The following RASGRF2 variants were observed in gnomAD, a reference collection of about 807,000 sequenced individuals.
RASGRF2 encodes the protein Ras protein specific guanine nucleotide releasing factor 2, also known as ras-specific guanine nucleotide-releasing factor 2.
In RASGRF2, 76 loss-of-function variants were observed where a neutral mutation model predicts 151.0. The ratio of observed to expected loss-of-function variants is 0.50; its 90% confidence interval spans 0.42 to 0.61. RASGRF2 has a LOEUF of 0.61. RASGRF2 is among the 20% of genes least tolerant of loss of function. The pLI is 0.00. For missense variants in RASGRF2, 1,148 were observed against 1,564.6 expected (o/e 0.73, Z 4.49); for synonymous variants, 504 against 566.5 (o/e 0.89, Z 1.57).
chr5:80,986,222 C>A (rs1748468516), intron 1 of RASGRF2, among the ~76,000 whole-genome samples: 1 of 152,138 alleles, frequency 6.6e-6, no homozygotes, highest in Admixed American at 6.5e-5. Flanking sequence ...ATGTCACTGG[C>A]AATATGCACA....
intron 7 of RASGRF2, among the ~76,000 whole-genome samples, chr5:81,083,269 C>CT (rs199506836): frequency 0.26 from 37,492 of 142,700 alleles, 5,204 homozygotes; most frequent in Admixed American, 0.33. Context: ...AGGGTTCTCA[C>CT]TTTTTTTTTT....
At chr5:81,094,263 C>T in intron 10 of RASGRF2, 33 bp from the exon 11 acceptor site, 1 of 1,566,048 alleles carries the variant, frequency 6.4e-7, no homozygotes, top group Non-Finnish European at 8.8e-7. Flanking sequence ...ACAAGACCTT[C>T]AGCGTCTTAG....
chr5:81,145,762 C>T (rs1753991019), intron 17 of RASGRF2, among the ~76,000 whole-genome samples: 1 of 152,214 alleles, frequency 6.6e-6, no homozygotes, highest in Admixed American at 6.5e-5. Context: ...GACACCTGGA[C>T]TCCAGCCGCA....
At chr5:80,988,703 G>A (rs1352270806) in intron 1 of RASGRF2, among the ~76,000 whole-genome samples, 1 of 152,152 alleles carries the variant, frequency 6.6e-6, no homozygotes, top group African/African-American at 2.4e-5. Flanking sequence ...AGTTGAGTCA[G>A]GGATAATGTA....
At chr5:81,204,151 G>A (rs796696503) in intron 19 of RASGRF2, 1 of 152,338 alleles carries the variant, frequency 6.6e-6, no homozygotes, top group African/African-American at 2.4e-5. Context: ...GATAGACGTG[G>A]TAGTGATGGT....
chr5:81,047,607 G>T (rs1273161404), intron 2 of RASGRF2, among the ~76,000 whole-genome samples: 1 of 152,208 alleles, frequency 6.6e-6, no homozygotes, highest in African/African-American at 2.4e-5. Context: ...AAGGAAAAAA[G>T]AATTACAAAA....
chr5:81,098,544 G>A (rs1219223481), intron 12 of RASGRF2, among the ~76,000 whole-genome samples: 1 of 152,210 alleles, frequency 6.6e-6, no homozygotes, highest in Non-Finnish European at 1.5e-5. Context: ...TGCAACCGGA[G>A]AACAGCCAAG....
At chr5:81,081,553 G>A (rs1190095955) in intron 7 of RASGRF2, among the ~76,000 whole-genome samples, 1 of 152,230 alleles carries the variant, frequency 6.6e-6, no homozygotes, top group Non-Finnish European at 1.5e-5. Context: ...TTTTGGAAGA[G>A]CATTGAGTGT....
intron 2 of RASGRF2, among the ~76,000 whole-genome samples, chr5:81,047,226 A>G (rs17210066): frequency 0.016 from 2,454 of 152,288 alleles, 26 homozygotes; most frequent in Admixed American, 0.024. Context: ...AAAGGAAGGA[A>G]ACTGTGAGAC....
chr5:81,113,743 A>G lies in RASGRF2; in HGVS notation c.2293A>G (p.Ser765Gly), dbSNP rs767610994. ...IGALDLTTSS[S>G]PTTTTQSPAA... ...AGCATTGGACCTGACAACTTCCAGC[A>G]GTCCCACCACCACCACCCAGAGTCC... Residue 765 changes from serine (S) to glycine (G), a missense_variant, in exon 15 of 27, where the codon AGT becomes GGT. By Grantham distance (56) the Ser-to-Gly change is moderately conservative. Transcript: ENST00000265080. The G allele has an allele frequency of 3.1e-6, 5 of 1,614,132 alleles. No individual in the cohort carries two copies. The African/African-American group carries it at 5.3e-5, about 17-fold the overall frequency.
At chr5:81,172,607 A>G (rs750050252) in intron 17 of RASGRF2, among the ~76,000 whole-genome samples, 2 of 152,186 alleles carry the variant, frequency 1.3e-5, no homozygotes, top group Non-Finnish European at 2.9e-5. Context: ...TCTGAGGCAT[A>G]TTTGTTCATT....
Position 81,225,611 on chromosome 5 carries a change from T to G in RASGRF2, c.3622-67T>G. 2.5e-6 allele frequency: 4 copies of G among 1,570,644 alleles called. No homozygotes were observed. The South Asian group carries it at 4.9e-5, about 19-fold the overall frequency. On this transcript the variant is annotated intron_variant, in intron 26 of 26. Coordinates refer to ENST00000265080, the MANE Select transcript of RASGRF2 (RefSeq NM_006909.3). ...GAGAAAATGTTGAATTGTGTTAGAT[T>G]CCGTCAGAAAATGTACGCACTGGTG...
intron 1 of RASGRF2, among the ~76,000 whole-genome samples, chr5:81,025,021 G>A (rs1055177836): frequency 2.6e-5 from 4 of 152,168 alleles, no homozygotes; most frequent in Non-Finnish European, 1.5e-5. Context: ...TGTGGTCTGA[G>A]TTTAAAGCTC....
At chr5:81,012,323 T>A (rs1749489630) in intron 1 of RASGRF2, among the ~76,000 whole-genome samples, 1 of 152,186 alleles carries the variant, frequency 6.6e-6, no homozygotes, top group Non-Finnish European at 1.5e-5. Context: ...TATGGGGAGA[T>A]TCATTCATGT....
chr5:81,160,958 A>C (rs1245645333), intron 17 of RASGRF2, among the ~76,000 whole-genome samples: 1 of 152,154 alleles, frequency 6.6e-6, no homozygotes, highest in Admixed American at 6.5e-5. Flanking sequence ...AATATCAGGG[A>C]CTGTGGTTTT....
intron 7 of RASGRF2, among the ~76,000 whole-genome samples, chr5:81,083,050 A>G (rs1259006041): frequency 2.6e-5 from 4 of 152,206 alleles, no homozygotes; most frequent in South Asian, 2.1e-4. Context: ...TGCCTTTTCT[A>G]GAAGCTGAAG....
intron 17 of RASGRF2, among the ~76,000 whole-genome samples, chr5:81,135,599 A>G (rs1753734967): frequency 6.6e-6 from 1 of 152,224 alleles, no homozygotes; most frequent in Non-Finnish European, 1.5e-5. Flanking sequence ...TTTTTGTAGA[A>G]TGCATCAGTC....
chr5:81,172,757 T>G (rs1754686547), intron 17 of RASGRF2, among the ~76,000 whole-genome samples: 1 of 152,074 alleles, frequency 6.6e-6, no homozygotes, highest in Non-Finnish European at 1.5e-5. Context: ...TGATGCAGTT[T>G]ATGTCAGCAA....
At chr5:80,987,711 G>A (rs573998044) in intron 1 of RASGRF2, among the ~76,000 whole-genome samples, 5 of 152,202 alleles carry the variant, frequency 3.3e-5, no homozygotes, top group East Asian at 1.9e-4. Context: ...TAGATTCTTC[G>A]TTAAAGAAAA....
Sources: allele counts gnomAD v4.1 joint callset (sites outside exome capture counted in the v4.1 genomes callset), GRCh38; gene constraint gnomAD v4.1.1; transcripts MANE v1.5; gene names NCBI Gene and HGNC (gene_info 2026-07-23, HGNC 2026-07-21).